The following ADCY6 variants were observed in gnomAD, a reference collection of about 807,000 sequenced individuals.
The protein encoded by ADCY6 is adenylate cyclase 6.
In ADCY6, 59 loss-of-function variants were observed where a neutral mutation model predicts 111.6. That is an observed-to-expected ratio of 0.53 (90% CI 0.43 to 0.66). ADCY6 has a LOEUF of 0.66. ADCY6 is among the 30% of genes least tolerant of loss of function. The probability of loss-of-function intolerance (pLI) is 0.00; values close to 1 mark genes in which losing one functional copy is unlikely to be tolerated. For synonymous variants in ADCY6, 576 were observed against 642.9 expected (o/e 0.90, Z 1.57); for missense variants, 1,242 against 1,595.6 (o/e 0.78, Z 3.78).
At chr12:48,775,544 G>C in intron 10 of ADCY6, 94 bp from the exon 11 acceptor site, 1 of 1,586,164 alleles carries the variant, frequency 6.3e-7, no homozygotes. Context: ...GAGGGAGGGA[G>C]GGAGAGCCAG....
At position 48,783,029 on chromosome 12, in the gene ADCY6, G is replaced by A. The variant is rs1941891023; in HGVS notation, c.406C>T (p.Leu136=). ...FQSKQFRSAK[L]ERLYQRYFFQ... ...AAGTACCGCTGGTACAGGCGCTCCA[G>A]CTTGGCCGAACGGAACTGCTTCGAC... is the stretch of plus-strand genomic sequence containing the variant. Residue 136 remains leucine, a synonymous_variant, in exon 2 of 22, where the codon CTG becomes TTG. Coordinates refer to ENST00000357869, the MANE Select transcript of ADCY6 (RefSeq NM_015270.5). The A allele has an allele frequency of 2.5e-6, 4 of 1,613,516 alleles. No individual in the cohort carries two copies. The highest frequency in any genetic ancestry group is 1.3e-5 in the African/African-American group (1 of 74,950).
At position 48,771,654 on chromosome 12, in the gene ADCY6, C is replaced by A. The variant is rs752925722; in HGVS notation, c.3051+56G>T. ...CCCAGTTCCACTCACCCATTCCAAT[C>A]CCTGGTCTCCAAGTACCCCCCACTC... On this transcript the variant is annotated intron_variant, in intron 19 of 21. Transcript: ENST00000357869. The surrounding 1 kb of genome is among the most constrained non-coding windows in gnomAD (Gnocchi z 4.3). 2.0e-5 allele frequency: 32 copies of A among 1,608,902 alleles called. No individual in the cohort carries two copies. In the African/African-American group the frequency reaches 3.6e-4, roughly 18 times the overall value.
In ADCY6 at chr12:48,783,036, C is replaced by T. The variant is rs772567672; in HGVS notation, c.399G>A (p.Ser133=). 6 of 1,613,406 alleles carry T rather than the reference C, an allele frequency of 3.7e-6. No homozygotes were observed. Among genetic ancestry groups the T allele is most frequent in the Admixed American group, 3.3e-5 (2 of 60,006 alleles). ...VQVFQSKQFR[S]AKLERLYQRY... Reference sequence around the variant, plus strand: ...GCTGGTACAGGCGCTCCAGCTTGGCCGAACGGAACTGCTTCGACTGGAACA... The same window carrying T: ...GCTGGTACAGGCGCTCCAGCTTGGCTGAACGGAACTGCTTCGACTGGAACA... The change falls in exon 2 of 22, where the codon TCG becomes TCA. Residue 133 remains serine, a synonymous_variant. Transcript: ENST00000357869.
At chr12:48,772,156 T>C (rs1941566006) in intron 18 of ADCY6, 139 bp downstream of exon 18, 18 of 1,414,940 alleles carry the variant, frequency 1.3e-5, no homozygotes, top group East Asian at 9.3e-5. Flanking sequence ...GAGTAAGGGA[T>C]GGGCACAGAG....
upstream of ADCY6, chr12:48,789,604 A>G (rs1405298497): frequency 1.2e-5 from 1 of 83,530 alleles, no homozygotes; most frequent in East Asian, 3.3e-4. Flanking sequence ...CCACCTAGCC[A>G]TTCCCGCCCT....
At chr12:48,772,865 C>T (rs1042415547) in intron 16 of ADCY6, among the ~76,000 whole-genome samples, 3 of 152,158 alleles carry the variant, frequency 2.0e-5, no homozygotes, top group African/African-American at 7.2e-5. Flanking sequence ...TATAGTCAGC[C>T]TTCCATAAAT....
chr12:48,775,092 C>G (rs200304230), intron 11 of ADCY6, 38 bp from the exon 12 acceptor site: 48 of 1,527,954 alleles, frequency 3.1e-5, no homozygotes, highest in Admixed American at 7.8e-5. Context: ...CTGGGCCCTC[C>G]CTAAGGAAGG....
upstream of ADCY6, chr12:48,789,633 C>A (rs1305624576): frequency 2.0e-5 from 3 of 152,106 alleles, no homozygotes; most frequent in East Asian, 1.9e-4. Context: ...CGGCCCTGCG[C>A]CCTCCCGCGG....
chr12:48,781,739 A>G (rs1264439338), intron 2 of ADCY6, among the ~76,000 whole-genome samples: 7 of 152,156 alleles, frequency 4.6e-5, no homozygotes, highest in African/African-American at 1.7e-4. Context: ...CTAGTTGTCT[A>G]AGATCCCACA....
intron 1 of ADCY6, among the ~76,000 whole-genome samples, chr12:48,784,373 C>T (rs1941935132): frequency 6.6e-6 from 1 of 151,604 alleles, no homozygotes; most frequent in Non-Finnish European, 1.5e-5. Context: ...GAAAGAGTTG[C>T]CCAAAGATCC....
In ADCY6 at chr12:48,778,205, G is replaced by A. The variant is rs142659911; in HGVS notation, c.917C>T (p.Thr306Ile). Reference protein sequence around the residue: ...FLCTNVIGICTHYPAEVSQRQ... With the variant: ...FLCTNVIGICIHYPAEVSQRQ... The stretch of plus-strand genomic sequence containing the variant: ...CTGAGACACCTCTGCTGGATAGTGT[G>A]TGCAGATGCCAATGACGTTGGTGCA... Residue 306 changes from threonine to isoleucine, a missense_variant, in exon 3 of 22, where the codon ACA (threonine) becomes ATA (isoleucine). By Grantham distance (89) the Thr-to-Ile change is moderately conservative. Coordinates refer to ENST00000357869, the MANE Select transcript of ADCY6 (RefSeq NM_015270.5). 4 of 1,614,168 alleles carry A rather than the reference G, an allele frequency of 2.5e-6. No homozygotes were observed. Among genetic ancestry groups the A allele is most frequent in the South Asian group, 2.2e-5 (2 of 91,086 alleles).
chr12:48,777,207 T>A lies in ADCY6; in HGVS notation c.1273A>T (p.Ile425Phe). 6.2e-7 allele frequency: 1 copy of A among 1,613,692 alleles called. No individual in the cohort carries two copies. The highest frequency in any genetic ancestry group is 8.5e-7 in the Non-Finnish European group (1 of 1,179,908). ...AAENHCLRIK[I>F]LGDCYYCVSG... ...ACACAGTAGTAACAGTCCCCCAAGA[T>A]CTTGATCCTCAGGCAGTGATTCTCC... Residue 425 changes from isoleucine (I) to phenylalanine (F), a missense_variant, in exon 6 of 22, where the codon ATC (isoleucine) becomes TTC (phenylalanine). Around this residue, in one of 4 missense-constraint regions of ADCY6, gnomAD observed 260 missense variants for 414.6 expected, o/e 0.63. Coordinates refer to ENST00000357869, the MANE Select transcript of ADCY6 (RefSeq NM_015270.5). The surrounding 1 kb of genome is among the most constrained non-coding windows in gnomAD (Gnocchi z 4.9).
chr12:48,778,696 G>T (rs1941769920), intron 2 of ADCY6, among the ~76,000 whole-genome samples: 1 of 152,010 alleles, frequency 6.6e-6, no homozygotes, highest in Admixed American at 6.6e-5. Flanking sequence ...CTCTCTCTTG[G>T]GTTTGCTCAT....
chr12:48,778,900 A>C (rs1285135672), intron 2 of ADCY6, among the ~76,000 whole-genome samples: 1 of 8,014 alleles, frequency 1.2e-4, no homozygotes, highest in African/African-American at 4.8e-4. Context: ...TTTTTTTTTG[A>C]CAGAGCCTTG....
chr12:48,768,503 T>C lies in ADCY6; in HGVS notation c.*88A>G. The C allele has an allele frequency of 6.3e-7, 1 of 1,592,024 alleles. No homozygotes were observed. The highest frequency in any genetic ancestry group is 8.6e-7 in the Non-Finnish European group (1 of 1,161,476). ...TGGTTAGCAGGGTCTGGAGGCTCAG[T>C]GCCCCCTGCCACAGCTCCACCCAGT... is the stretch of plus-strand genomic sequence containing the variant. On this transcript the variant is annotated 3_prime_UTR_variant, in exon 22 of 22. Transcript: ENST00000357869.
In ADCY6 at chr12:48,774,514, A is replaced by G. The variant is rs1457594879; in HGVS notation, c.2171T>C (p.Phe724Ser). The G allele has an allele frequency of 1.2e-6, 2 of 1,613,448 alleles. No homozygotes were observed. The highest frequency in any genetic ancestry group is 2.7e-5 in the African/African-American group (2 of 74,806). ...ICAVYSCGSL[F>S]PKALQRLSRS... ...GGACAGACGTTGCAGGGCCTTAGGGAACAGCTAGAGGCATCAAGAGACCAA... is the reference window on the plus strand; with the variant it reads ...GGACAGACGTTGCAGGGCCTTAGGGGACAGCTAGAGGCATCAAGAGACCAA... The change falls in exon 14 of 22, where the codon TTC (phenylalanine) becomes TCC (serine). Residue 724 changes from phenylalanine (F) to serine (S), a missense_variant. This residue lies in a region of ADCY6 where 375 missense variants were observed against 432.5 expected (regional missense o/e 0.87). Transcript: ENST00000357869.
chr12:48,770,063 ATTTTTT>A (rs35784184), intron 20 of ADCY6, among the ~76,000 whole-genome samples: 1 of 112,910 alleles, frequency 8.9e-6, no homozygotes, highest in Non-Finnish European at 1.8e-5. Context: ...GCCCGGCCTA[ATTTTTT>A]TTTTTTTTTT....
At chr12:48,775,079 G>C (rs1187960330) in intron 11 of ADCY6, 25 bp from the exon 12 acceptor site, 2 of 1,540,364 alleles carry the variant, frequency 1.3e-6, no homozygotes, top group South Asian at 2.4e-5. Context: ...GCTGAGCTGA[G>C]TGCTGGGCCC....
At chr12:48,779,620 A>G (rs764515076) in intron 2 of ADCY6, among the ~76,000 whole-genome samples, 5 of 152,010 alleles carry the variant, frequency 3.3e-5, no homozygotes, top group East Asian at 3.9e-4. Flanking sequence ...TCAGCCCCCA[A>G]TCATCATCAG....
Sources: allele counts gnomAD v4.1 joint callset (sites outside exome capture counted in the v4.1 genomes callset), GRCh38; gene constraint gnomAD v4.1.1; regional missense constraint gnomAD v4.1.1; non-coding constraint Gnocchi (gnomAD v3.1); transcripts MANE v1.5; gene names NCBI Gene and HGNC (gene_info 2026-07-23, HGNC 2026-07-21).